Variants in SPATA20 observed in about 807,000 individuals in gnomAD.
SPATA20 encodes the protein spermatogenesis associated 20.
A neutral mutation model predicts 98.9 loss-of-function variants in SPATA20; 74 were observed. That is an observed-to-expected ratio of 0.75 (90% CI 0.62 to 0.91). The LOEUF is 0.91. Ranked by LOEUF, SPATA20 falls within the 40% of genes least tolerant of loss-of-function variation. SPATA20 has a pLI of 0.00. For missense variants in SPATA20, 1,016 were observed against 1,069.8 expected, an observed-to-expected ratio of 0.95 and a Z score of 0.70; for synonymous variants, 430 against 440.5, an observed-to-expected ratio of 0.98 and a Z score of 0.30.
chr17:50,550,479 C>T, intron 9 of SPATA20, 57 bp from the exon 10 acceptor site: 2 of 1,549,480 alleles, frequency 1.3e-6, no homozygotes, highest in South Asian at 2.2e-5. Context: ...TGCCACCTTC[C>T]ACCTGGGCCT....
At chr17:50,551,863 G>C in intron 13 of SPATA20, 106 bp from the exon 14 acceptor site, 1 of 1,247,046 alleles carries the variant, frequency 8.0e-7, no homozygotes, top group Non-Finnish European at 1.1e-6. Context: ...GCCCAAGAGG[G>C]TTCATCTGGA....
chr17:50,551,451 T>C (rs1227898098), intron 12 of SPATA20, 60 bp from the exon 13 acceptor site: 1 of 1,535,644 alleles, frequency 6.5e-7, no homozygotes, highest in Non-Finnish European at 8.9e-7. Flanking sequence ...GGTGATAGGG[T>C]GGACATGCCT....
intron 9 of SPATA20, 102 bp from the exon 10 acceptor site, chr17:50,550,434 C>G (rs1337766371): frequency 7.2e-7 from 1 of 1,390,574 alleles, no homozygotes; most frequent in East Asian, 2.3e-5. Context: ...TACCCACTAC[C>G]CAGGCTTCCC....
In SPATA20 at chr17:50,549,972, G is replaced by C; in HGVS notation, c.863-13G>C. 2 of 1,527,604 alleles carry C rather than the reference G, an allele frequency of 1.3e-6. No individual in the cohort carries two copies. Among genetic ancestry groups the C allele is most frequent in the Non-Finnish European group, 1.8e-6 (2 of 1,133,224 alleles). 94.6% of individuals were successfully genotyped at this position (1,527,604 alleles called of 1,614,324 possible). A position where few individuals can be genotyped will look rare whatever the true frequency, so the allele number is the denominator to read the frequency against. ...CCCATTCTCTCACCTGCATGTTCTT[G>C]GTGCCCCCACAGTGATCCTGAGCTT... On this transcript the variant is annotated splice_polypyrimidine_tract_variant and intron_variant, in intron 7 of 16. Transcript: ENST00000006658.
rs2034936435 is a variant in SPATA20 at position 50,547,703 on chromosome 17, G to C, written c.78-17G>C. The C allele has an allele frequency of 3.8e-6, 3 of 781,046 alleles. No individual in the cohort carries two copies. The highest frequency in any genetic ancestry group is 7.2e-6 in the Non-Finnish European group (3 of 418,254). The allele number at this position is 781,046 out of a possible 1,614,324, so 48.4% of individuals were successfully genotyped here. A position where few individuals can be genotyped will look rare whatever the true frequency, so the allele number is the denominator to read the frequency against. ...CCCACTTCCAGGCTGAACTCCCTGAGGTCTCTGATTCCCTAGGTGTCCTGG... is the reference window on the plus strand; with the variant it reads ...CCCACTTCCAGGCTGAACTCCCTGACGTCTCTGATTCCCTAGGTGTCCTGG... On this transcript the variant is annotated splice_polypyrimidine_tract_variant and intron_variant, in intron 1 of 16. Coordinates refer to ENST00000006658, the MANE Select transcript of SPATA20 (RefSeq NM_022827.4).
chr17:50,552,977 G>A (rs1206881929), intron 14 of SPATA20, among the ~76,000 whole-genome samples: 1 of 152,220 alleles, frequency 6.6e-6, no homozygotes, highest in African/African-American at 2.4e-5. Flanking sequence ...TTCAGATATT[G>A]ACCAAGGCTC....
At position 50,550,820 on chromosome 17, in the gene SPATA20, C is replaced by G. The variant is rs1452109960; in HGVS notation, c.1286C>G (p.Pro429Arg). 1 of 1,612,986 alleles carries G rather than the reference C, an allele frequency of 6.2e-7. No individual in the cohort carries two copies. ...GTCAAAGAGGTTCAGCAGCTCCTCC[C>G]GGAGCCTGTGTTGGGTGCCACCGAG... ...WTVKEVQQLL[P>R]EPVLGATEPL... Residue 429 changes from proline (P) to arginine (R), a missense_variant, in exon 11 of 17, where the codon CCG becomes CGG. By Grantham distance (103) the Pro-to-Arg change is moderately radical. Coordinates refer to ENST00000006658, the MANE Select transcript of SPATA20 (RefSeq NM_022827.4).
chr17:50,549,959 C>T (rs371802459), intron 7 of SPATA20, 26 bp from the exon 8 acceptor site: 11 of 1,526,844 alleles, frequency 7.2e-6, no homozygotes, highest in Admixed American at 2.0e-5. Context: ...CATTCTCTCA[C>T]CTGCATGTTC....
chr17:50,551,188 A>G lies in SPATA20; in HGVS notation c.1574A>G (p.Asn525Ser). The change falls in exon 12 of 17, where the codon AAT (asparagine) becomes AGT (serine). Residue 525 changes from asparagine to serine, a missense_variant and splice_region_variant. By Grantham distance (46) the Asn-to-Ser change is conservative. Coordinates refer to ENST00000006658, the MANE Select transcript of SPATA20 (RefSeq NM_022827.4). ...GACAGCAAGATGCTGGCTGCCTGGA[A>G]TGGTGGGGCAGCACACCTGAGACCG... ...HLDSKMLAAW[N>S]GLMVSGYAVT... 2 of 1,607,970 alleles carry G rather than the reference A, an allele frequency of 1.2e-6. No homozygotes were observed. Among genetic ancestry groups the G allele is most frequent in the Non-Finnish European group, 8.5e-7 (1 of 1,177,626 alleles).
At chr17:50,555,175 C>T (rs2035091750) in intron 15 of SPATA20, 57 bp from the exon 16 acceptor site, 2 of 1,456,870 alleles carry the variant, frequency 1.4e-6, no homozygotes, top group Non-Finnish European at 1.9e-6. Context: ...CCCTGGTGGT[C>T]TAGGGCTCAG....
Position 50,551,532 on chromosome 17 carries a change from C to G in SPATA20, c.1598C>G (p.Ala533Gly). 6.3e-7 allele frequency: 1 copy of G among 1,597,628 alleles called. No homozygotes were observed. The highest frequency in any genetic ancestry group is 8.6e-7 in the Non-Finnish European group (1 of 1,166,286). ...CCAGGCTTGATGGTGTCAGGCTATGCTGTGACTGGGGCTGTCCTGGGCCAA... is the reference window on the plus strand; with the variant it reads ...CCAGGCTTGATGGTGTCAGGCTATGGTGTGACTGGGGCTGTCCTGGGCCAA... The part of the protein sequence containing the change: ...AWNGLMVSGY[A>G]VTGAVLGQDR... Residue 533 changes from alanine (A) to glycine (G), a missense_variant, in exon 13 of 17, where the codon GCT becomes GGT. By Grantham distance (60) the Ala-to-Gly change is moderately conservative. Coordinates refer to ENST00000006658, the MANE Select transcript of SPATA20 (RefSeq NM_022827.4).
chr17:50,553,166 GTTTC>G (rs2035042821), intron 14 of SPATA20, among the ~76,000 whole-genome samples: 2 of 152,238 alleles, frequency 1.3e-5, no homozygotes, highest in Non-Finnish European at 2.9e-5. Context: ...GTGGTTAAAG[GTTTC>G]TTTCCCAAAA....
intron 11 of SPATA20, 29 bp from the exon 12 acceptor site, chr17:50,550,968 GA>G (rs1429580216): frequency 1.2e-6 from 2 of 1,612,202 alleles, no homozygotes; most frequent in African/African-American, 2.7e-5. Context: ...CCAGGCGTGT[GA>G]GCTCGCAGAC....
Position 50,555,586 on chromosome 17 carries a change from C to A in SPATA20, c.2333C>A (p.Ala778Glu). 6.2e-7 allele frequency: 1 copy of A among 1,614,130 alleles called. No homozygotes were observed. The highest frequency in any genetic ancestry group is 1.1e-5 in the South Asian group (1 of 91,084). Residue 778 changes from alanine (A) to glutamate (E), a missense_variant, in exon 17 of 17, where the codon GCA becomes GAA. Physicochemically the swap from Ala to Glu is moderately radical, Grantham distance 107. Coordinates refer to ENST00000006658, the MANE Select transcript of SPATA20 (RefSeq NM_022827.4). ...TLRRLEDQAT[A>E]YVCENQACSV... ...CGACGGTTGGAAGACCAGGCCACTG[C>A]ATATGTGTGTGAGAATCAAGCCTGC...
chr17:50,548,934 C>T lies in SPATA20; in HGVS notation c.486C>T (p.Asp162=), dbSNP rs372899734. 9.9e-5 allele frequency: 159 copies of T among 1,614,142 alleles called. No homozygotes were observed. Among genetic ancestry groups the T allele is most frequent in the Non-Finnish European group, 1.2e-4 (146 of 1,180,016 alleles). ...AGGTAGACCGTGAGGAGCGGCCTGACGTGGACAAGGTGTACATGACGTTCG... is the reference window on the plus strand; with the variant it reads ...AGGTAGACCGTGAGGAGCGGCCTGATGTGGACAAGGTGTACATGACGTTCG... The part of the protein sequence containing the change: ...SVKVDREERP[D]VDKVYMTFVQ... The change falls in exon 5 of 17, where the codon GAC becomes GAT. Residue 162 remains aspartate, a synonymous_variant. Coordinates refer to ENST00000006658, the MANE Select transcript of SPATA20 (RefSeq NM_022827.4).
chr17:50,550,482 C>G (rs551919616), intron 9 of SPATA20, 54 bp from the exon 10 acceptor site: 2 of 1,556,474 alleles, frequency 1.3e-6, no homozygotes, highest in South Asian at 1.1e-5. Flanking sequence ...CACCTTCCAC[C>G]TGGGCCTCCC....
Position 50,551,085 on chromosome 17 carries a change from G to C in SPATA20, c.1471G>C (p.Glu491Gln), listed in dbSNP as rs770225502. The C allele has an allele frequency of 1.2e-6, 2 of 1,613,058 alleles. No individual in the cohort carries two copies. The highest frequency in any genetic ancestry group is 2.7e-5 in the African/African-American group (2 of 74,954). ...LTAARFGLDV[E>Q]AVRTLLNSGL... ...TGCTGCCCGCTTTGGCTTGGATGTG[G>C]AGGCCGTGCGGACCTTGCTCAATTC... The change falls in exon 12 of 17, where the codon GAG (glutamate) becomes CAG (glutamine). Residue 491 changes from glutamate to glutamine, a missense_variant. Glu to Gln is a conservative substitution (Grantham distance 29). Coordinates refer to ENST00000006658, the MANE Select transcript of SPATA20 (RefSeq NM_022827.4).
In SPATA20 at chr17:50,551,082, G is replaced by A. The variant is rs1288887771; in HGVS notation, c.1468G>A (p.Val490Met). ...ELTAARFGLD[V>M]EAVRTLLNSG... ...GACTGCTGCCCGCTTTGGCTTGGAT[G>A]TGGAGGCCGTGCGGACCTTGCTCAA... The change falls in exon 12 of 17, where the codon GTG becomes ATG. Residue 490 changes from valine (V) to methionine (M), a missense_variant. By Grantham distance (21) the Val-to-Met change is conservative. Coordinates refer to ENST00000006658, the MANE Select transcript of SPATA20 (RefSeq NM_022827.4). 6.2e-6 allele frequency: 10 copies of A among 1,613,080 alleles called. No homozygotes were observed. The highest frequency in any genetic ancestry group is 7.6e-6 in the Non-Finnish European group (9 of 1,180,022).
At chr17:50,549,846 C>T in intron 7 of SPATA20, 139 bp from the exon 8 acceptor site, 1 of 964,162 alleles carries the variant, frequency 1.0e-6, no homozygotes, top group South Asian at 1.6e-5. Flanking sequence ...TGTGGGTTGA[C>T]TCTTGACCTC....
Sources: allele counts gnomAD v4.1 joint callset (sites outside exome capture counted in the v4.1 genomes callset), GRCh38; gene constraint gnomAD v4.1.1; transcripts MANE v1.5; gene names NCBI Gene and HGNC (gene_info 2026-07-23, HGNC 2026-07-21).